DZIP3: variants seen among roughly 807,000 people sequenced by gnomAD.
DZIP3 encodes the protein E3 ubiquitin-protein ligase DZIP3.
A neutral mutation model predicts 162.0 loss-of-function variants in DZIP3; 118 were observed. The observed-to-expected ratio is 0.73, with a 90% confidence interval of 0.63 to 0.85. The LOEUF (loss-of-function observed/expected upper bound fraction) is 0.85. Ranked by LOEUF, DZIP3 falls within the 40% of genes least tolerant of loss-of-function variation. The probability of loss-of-function intolerance (pLI) is 0.00; values close to 1 mark genes in which losing one functional copy is unlikely to be tolerated. For missense variants in DZIP3, 1,331 were observed against 1,407.0 expected, an observed-to-expected ratio of 0.95 and a Z score of 0.86; for synonymous variants, 438 against 458.6, an observed-to-expected ratio of 0.96 and a Z score of 0.57.
intron 22 of DZIP3, 98 bp downstream of exon 22, chr3:108,669,847 C>G: frequency 1.0e-6 from 1 of 1,003,382 alleles, no homozygotes; most frequent in Admixed American, 2.1e-5. Flanking sequence ...TCATTCAAAC[C>G]GGGGTACTTT....
At chr3:108,657,543 T>A (rs1413030335) in intron 19 of DZIP3, among the ~76,000 whole-genome samples, 1 of 152,076 alleles carries the variant, frequency 6.6e-6, no homozygotes, top group Non-Finnish European at 1.5e-5. Flanking sequence ...ACATGCCAAA[T>A]TGTAAAGACC....
intron 5 of DZIP3, among the ~76,000 whole-genome samples, chr3:108,618,898 C>T (rs191477523): frequency 3.3e-5 from 5 of 150,962 alleles, no homozygotes; most frequent in Admixed American, 6.6e-5. Context: ...CCGTGTGTAC[C>T]AAAAATATAA....
chr3:108,603,005 A>T (rs1940115991), intron 1 of DZIP3: 1 of 152,018 alleles, frequency 6.6e-6, no homozygotes, highest in Admixed American at 6.6e-5. Flanking sequence ...TTTTCCACCC[A>T]TTTCTTTTTC....
At chr3:108,657,233 A>G (rs1434287124) in intron 19 of DZIP3, among the ~76,000 whole-genome samples, 1 of 152,206 alleles carries the variant, frequency 6.6e-6, no homozygotes, top group African/African-American at 2.4e-5. Flanking sequence ...AAGGGCAGCC[A>G]GAGAGAAAGG....
chr3:108,613,620 C>T (rs912490157), intron 4 of DZIP3, among the ~76,000 whole-genome samples: 3 of 152,124 alleles, frequency 2.0e-5, no homozygotes, highest in African/African-American at 7.2e-5. Flanking sequence ...AATTAGTAGA[C>T]CTACAGCAGA....
At chr3:108,656,227 A>T (rs1327718421) in intron 19 of DZIP3, among the ~76,000 whole-genome samples, 2 of 152,180 alleles carry the variant, frequency 1.3e-5, no homozygotes, top group African/African-American at 4.8e-5. Context: ...TGAGTAGCCT[A>T]ACTGGGTGGC....
At chr3:108,622,922 G>C (rs1941432112) in intron 5 of DZIP3, among the ~76,000 whole-genome samples, 1 of 148,750 alleles carries the variant, frequency 6.7e-6, no homozygotes, top group African/African-American at 2.5e-5. Context: ...AGCTGGGGGA[G>C]GGGTGACACA....
chr3:108,691,654 C>T (rs1302946008), intron 32 of DZIP3, among the ~76,000 whole-genome samples: 1 of 152,106 alleles, frequency 6.6e-6, no homozygotes, highest in African/African-American at 2.4e-5. Flanking sequence ...TGACTTGTTT[C>T]TGGGAAGAAG....
intron 12 of DZIP3, among the ~76,000 whole-genome samples, chr3:108,641,341 T>TA (rs1942391057): frequency 6.6e-6 from 1 of 152,228 alleles, no homozygotes; most frequent in Non-Finnish European, 1.5e-5. Flanking sequence ...TTATGCATTT[T>TA]AAAATCATAT....
intron 14 of DZIP3, among the ~76,000 whole-genome samples, chr3:108,645,086 G>A (rs1483214587): frequency 1.3e-5 from 2 of 152,038 alleles, no homozygotes; most frequent in Non-Finnish European, 2.9e-5. Context: ...CAAAAATAAA[G>A]GTATAGAAAC....
chr3:108,593,908 G>A (rs1041704028), intron 1 of DZIP3, among the ~76,000 whole-genome samples: 1 of 151,860 alleles, frequency 6.6e-6, no homozygotes, highest in Admixed American at 6.6e-5. Context: ...CGAGTGATCC[G>A]CTCGCCTCAG....
intron 5 of DZIP3, among the ~76,000 whole-genome samples, chr3:108,622,775 AC>A (rs1941412126): frequency 6.7e-6 from 1 of 148,522 alleles, no homozygotes; most frequent in Non-Finnish European, 1.5e-5. Flanking sequence ...ATCTGGAAGA[AC>A]TCCTTGGATT....
chr3:108,683,688 T>G (rs1944400389), intron 26 of DZIP3, among the ~76,000 whole-genome samples: 1 of 152,136 alleles, frequency 6.6e-6, no homozygotes, highest in Non-Finnish European at 1.5e-5. Flanking sequence ...CCATCCCACT[T>G]CCTCCTCCAG....
At chr3:108,611,637 CAG>C (rs1490399535) in intron 4 of DZIP3, among the ~76,000 whole-genome samples, 2 of 152,060 alleles carry the variant, frequency 1.3e-5, no homozygotes, top group Non-Finnish European at 2.9e-5. Flanking sequence ...CAGTCTGGGA[CAG>C]GGGACTGCTT....
intron 19 of DZIP3, among the ~76,000 whole-genome samples, chr3:108,656,461 CAGAA>C (rs1416275737): frequency 5.9e-5 from 9 of 152,290 alleles, no homozygotes; most frequent in Non-Finnish European, 8.8e-5. Flanking sequence ...AGCTAACAAA[CAGAA>C]AGGGCATCCA....
intron 16 of DZIP3, chr3:108,648,580 C>G (rs1306357868): frequency 5.9e-6 from 1 of 168,752 alleles, no homozygotes; most frequent in Non-Finnish European, 1.3e-5. Context: ...ATCCTTAGAT[C>G]TTTCATCTTA....
intron 17 of DZIP3, among the ~76,000 whole-genome samples, 160 bp downstream of exon 17, chr3:108,649,122 C>A (rs531376263): frequency 1.8e-4 from 28 of 151,646 alleles, no homozygotes; most frequent in African/African-American, 6.5e-4. Context: ...TATGTTATAT[C>A]CTGAATGATT....
At chr3:108,654,543 A>T in intron 19 of DZIP3, 1 of 474,676 alleles carries the variant, frequency 2.1e-6, no homozygotes, top group Non-Finnish European at 3.8e-6. Flanking sequence ...TCCTGGCTTT[A>T]ATTATAGGGC....
At chr3:108,592,261 A>AT (rs1166119518) in intron 1 of DZIP3, among the ~76,000 whole-genome samples, 2 of 152,192 alleles carry the variant, frequency 1.3e-5, no homozygotes, top group Non-Finnish European at 2.9e-5. Context: ...TTCGAGAAGT[A>AT]TATATGAAGT....
Sources: allele counts gnomAD v4.1 joint callset (sites outside exome capture counted in the v4.1 genomes callset), GRCh38; gene constraint gnomAD v4.1.1; transcripts MANE v1.5; gene names NCBI Gene and HGNC (gene_info 2026-07-23, HGNC 2026-07-21).